VWC2: variants seen among roughly 807,000 people sequenced by gnomAD.
The protein encoded by VWC2 is brorin.
Under a neutral mutation model 29.8 loss-of-function variants are expected in VWC2, and 14 were observed. The observed-to-expected ratio is 0.47, with a 90% CI of 0.31 to 0.74. The LOEUF is 0.74. Ranked by LOEUF, VWC2 falls within the 30% of genes least tolerant of loss-of-function variation. The pLI is 0.05. For synonymous variants in VWC2, 213 were observed against 199.0 expected (o/e 1.07, Z -0.59); for missense variants, 457 against 459.8 (o/e 0.99, Z 0.05).
intron 3 of VWC2, among the ~76,000 whole-genome samples, chr7:49,841,745 T>C (rs1189947952): frequency 1.3e-5 from 2 of 152,238 alleles, no homozygotes; most frequent in Non-Finnish European, 2.9e-5. Context: ...TTTCTTATAA[T>C]GTGTAATAAT....
intron 3 of VWC2, among the ~76,000 whole-genome samples, chr7:49,813,047 A>G (rs1182612659): frequency 1.3e-5 from 2 of 151,922 alleles, no homozygotes; most frequent in Admixed American, 6.6e-5. Flanking sequence ...TGGAAGTCCA[A>G]CTCCCCACAT....
At chr7:49,900,064 A>G (rs1229688484) in intron 3 of VWC2, among the ~76,000 whole-genome samples, 1 of 152,012 alleles carries the variant, frequency 6.6e-6, no homozygotes, top group East Asian at 1.9e-4. Context: ...ATAAACTTAT[A>G]AATAACACAT....
intron 2 of VWC2, among the ~76,000 whole-genome samples, chr7:49,780,772 A>T (rs1415312182): frequency 1.3e-5 from 2 of 152,216 alleles, no homozygotes; most frequent in African/African-American, 4.8e-5. Context: ...AGAACTGTTG[A>T]GAGAGAGATA....
At chr7:49,789,328 T>TGG (rs74466406) in intron 2 of VWC2, among the ~76,000 whole-genome samples, 3 of 150,214 alleles carry the variant, frequency 2.0e-5, no homozygotes, top group Non-Finnish European at 4.4e-5. Context: ...TAGGTGTGTG[T>TGG]GGGTGCGTGT....
rs139494830 is a variant in VWC2, at chr7:49,789,353, CTGTGTG to C, written c.696+13231_696+13236del. 6.9e-5 allele frequency among the ~76,000 whole-genome samples: 10 copies of C among 145,740 alleles called. No homozygotes were observed. The East Asian group carries it at 8.2e-4, about 12-fold the overall frequency. On this transcript the variant is annotated intron_variant, in intron 2 of 3. Transcript: ENST00000340652. ...TGGGTGCGTGTGAGTGTATATGTGG[CTGTGTG>C]TGTGTGTGAGTGTGAGTGTGTGTAT...
chr7:49,878,931 T>C (rs936492547), intron 3 of VWC2, among the ~76,000 whole-genome samples: 3 of 152,214 alleles, frequency 2.0e-5, no homozygotes, highest in East Asian at 1.9e-4. Context: ...GAATATTTAC[T>C]GTTTGTCCCT....
chr7:49,878,023 C>CA (rs1200397891), intron 3 of VWC2, among the ~76,000 whole-genome samples: 3 of 152,034 alleles, frequency 2.0e-5, no homozygotes, highest in Non-Finnish European at 2.9e-5. Flanking sequence ...GTCTTTTATT[C>CA]AGCTTTCCTC....
At chr7:49,801,678 C>T (rs765177586) in intron 2 of VWC2, among the ~76,000 whole-genome samples, 1 of 152,198 alleles carries the variant, frequency 6.6e-6, no homozygotes, top group African/African-American at 2.4e-5. Flanking sequence ...GGCAGAATGA[C>T]CTGGAGGAAA....
At chr7:49,855,144 C>CATT (rs1483129977) in intron 3 of VWC2, among the ~76,000 whole-genome samples, 2 of 152,208 alleles carry the variant, frequency 1.3e-5, no homozygotes, top group African/African-American at 4.8e-5. Flanking sequence ...GGCCTGCTCA[C>CATT]ATTAGTCTTA....
intron 3 of VWC2, among the ~76,000 whole-genome samples, chr7:49,856,965 G>A (rs554904395): frequency 2.8e-4 from 36 of 128,702 alleles, no homozygotes; most frequent in Middle Eastern, 5.1e-3. Flanking sequence ...AGCTGAGATC[G>A]GGCCACTGCA....
At chr7:49,906,810 G>A (rs1256383408) in intron 3 of VWC2, among the ~76,000 whole-genome samples, 1 of 147,276 alleles carries the variant, frequency 6.8e-6, no homozygotes, top group African/African-American at 2.4e-5. Flanking sequence ...CTCTAGGATT[G>A]TGTGTTTTAA....
At chr7:49,793,226 G>T (rs1788505764) in intron 2 of VWC2, among the ~76,000 whole-genome samples, 1 of 152,124 alleles carries the variant, frequency 6.6e-6, no homozygotes, top group African/African-American at 2.4e-5. Context: ...TCATATGTGA[G>T]ATTTTTTAAA....
chr7:49,788,681 G>T (rs1211443328), intron 2 of VWC2, among the ~76,000 whole-genome samples: 1 of 99,148 alleles, frequency 1.0e-5, no homozygotes, highest in African/African-American at 7.4e-5. Context: ...CTGTGAGTGT[G>T]GGTGTGTGAG....
At chr7:49,890,923 T>TTA (rs537526987) in intron 3 of VWC2, among the ~76,000 whole-genome samples, 2 of 150,020 alleles carry the variant, frequency 1.3e-5, no homozygotes, top group East Asian at 3.9e-4. Context: ...TAAACAGGCA[T>TTA]AAAAAAAAGG....
intron 2 of VWC2, among the ~76,000 whole-genome samples, chr7:49,789,097 TGAGAGA>T (rs538798933): frequency 6.3e-4 from 87 of 138,314 alleles, no homozygotes; most frequent in African/African-American, 2.5e-3. Flanking sequence ...GGTTTGGGTG[TGAGAGA>T]GAGATTGAGA....
At chr7:49,800,007 G>A (rs1178264797) in intron 2 of VWC2, among the ~76,000 whole-genome samples, 2 of 152,198 alleles carry the variant, frequency 1.3e-5, no homozygotes, top group African/African-American at 4.8e-5. Context: ...CAGTTATGGG[G>A]CACATGAGTG....
At chr7:49,858,510 A>G (rs1265831814) in intron 3 of VWC2, among the ~76,000 whole-genome samples, 1 of 142,190 alleles carries the variant, frequency 7.0e-6, no homozygotes, top group African/African-American at 2.6e-5. Context: ...AACAATGACA[A>G]CACACGGACA....
intron 3 of VWC2, among the ~76,000 whole-genome samples, chr7:49,889,728 A>G (rs961638296): frequency 6.6e-6 from 1 of 152,178 alleles, no homozygotes; most frequent in Non-Finnish European, 1.5e-5. Context: ...TGGAAGAAAA[A>G]AGAACTTATT....
chr7:49,892,118 C>T (rs1254577737), intron 3 of VWC2, among the ~76,000 whole-genome samples: 1 of 139,502 alleles, frequency 7.2e-6, no homozygotes, highest in Non-Finnish European at 1.5e-5. Context: ...AATCTCGGCT[C>T]ACTGCAAGCT....
Sources: allele counts gnomAD v4.1 joint callset (sites outside exome capture counted in the v4.1 genomes callset), GRCh38; gene constraint gnomAD v4.1.1; transcripts MANE v1.5; gene names NCBI Gene and HGNC (gene_info 2026-07-23, HGNC 2026-07-21).